Variants in LRCH2 observed in about 807,000 individuals in gnomAD.
LRCH2 encodes the protein leucine-rich repeat and calponin homology domain-containing protein 2.
Under a neutral mutation model 68.9 loss-of-function variants are expected in LRCH2, and 38 were observed. The ratio of observed to expected loss-of-function variants is 0.55; its 90% confidence interval spans 0.43 to 0.72. LRCH2 has a LOEUF of 0.72. Among genes scored for constraint, LRCH2 ranks in the 30% least tolerant of loss-of-function variants. The pLI, the probability that LRCH2 is intolerant of heterozygous loss-of-function variation, is 0.00. For missense variants in LRCH2, 528 were observed against 572.9 expected, an observed-to-expected ratio of 0.92 and a Z score of 0.80; for synonymous variants, 191 against 208.1, an observed-to-expected ratio of 0.92 and a Z score of 0.71.
Position 115,190,384 on chromosome X carries a change from C to T in LRCH2, c.350-2014G>A, listed in dbSNP as rs782276686. Reference sequence around the variant, plus strand: ...CTACGGAGGCCCATGCGGCGCTGCCCCTGTGTGGGGGACACCGCCATCTTA... The same window carrying T: ...CTACGGAGGCCCATGCGGCGCTGCCTCTGTGTGGGGGACACCGCCATCTTA... On this transcript the variant is annotated intron_variant, in intron 1 of 20. Coordinates refer to ENST00000317135, the MANE Select transcript of LRCH2 (RefSeq NM_020871.4). 4 of 1,161,528 alleles carry T rather than the reference C, an allele frequency of 3.4e-6. No homozygotes were observed. The highest frequency in any genetic ancestry group is 3.6e-5 in the African/African-American group (2 of 55,677).
intron 14 of LRCH2, among the ~76,000 whole-genome samples, chrX:115,148,336 A>G (rs1334526108): frequency 2.7e-5 from 3 of 111,834 alleles, no homozygotes; most frequent in Non-Finnish European, 5.6e-5. Context: ...ATCTTTGTGA[A>G]GTCTTAGGAC....
At chrX:115,140,204 G>C (rs2843485) in intron 14 of LRCH2, among the ~76,000 whole-genome samples, 6,273 of 111,092 alleles carry the variant, frequency 0.056, 435 homozygotes, top group African/African-American at 0.19. Flanking sequence ...AGAGTTGTGA[G>C]ACCCCCATTC....
chrX:115,124,463 A>C (rs1220490237), intron 16 of LRCH2, among the ~76,000 whole-genome samples: 1 of 112,232 alleles, frequency 8.9e-6, no homozygotes, highest in African/African-American at 3.2e-5. Context: ...CATCTCTTCT[A>C]TTTGAATGAA....
chrX:115,181,369 A>G (rs781795927), intron 3 of LRCH2, among the ~76,000 whole-genome samples: 1 of 112,607 alleles, frequency 8.9e-6, no homozygotes, highest in East Asian at 2.8e-4. Context: ...CAAACGATGG[A>G]TAATAGAAGT....
intron 20 of LRCH2, among the ~76,000 whole-genome samples, chrX:115,121,962 T>A (rs1287606417): frequency 1.8e-5 from 2 of 111,584 alleles, no homozygotes; most frequent in South Asian, 3.7e-4. Context: ...TGATTATATA[T>A]CTTCCTTACA....
chrX:115,182,284 G>A (rs2072697839), intron 3 of LRCH2, among the ~76,000 whole-genome samples: 1 of 111,037 alleles, frequency 9.0e-6, no homozygotes, highest in East Asian at 2.8e-4. Flanking sequence ...AATAAATTAC[G>A]GAGACATAAA....
chrX:115,174,137 T>C (rs2072626469), intron 5 of LRCH2, among the ~76,000 whole-genome samples: 1 of 111,459 alleles, frequency 9.0e-6, no homozygotes, highest in Non-Finnish European at 1.9e-5. Context: ...AAGGATCAAC[T>C]GTATTATACA....
rs782732760 is a variant in LRCH2 at position 115,192,470 on chromosome X, G to A, written c.350-4100C>T. The stretch of plus-strand genomic sequence containing the variant: ...AGCAACAGTTACGGCCGGAGCGACC[G>A]CTACTCGAGGGGTCGAGACCGGGTA... On this transcript the variant is annotated intron_variant, in intron 1 of 20. Coordinates refer to ENST00000317135, the MANE Select transcript of LRCH2 (RefSeq NM_020871.4). The A allele has an allele frequency of 2.7e-4, 311 of 1,169,041 alleles. No individual in the cohort carries two copies. The highest frequency in any genetic ancestry group is 3.3e-4 in the Non-Finnish European group (292 of 874,112).
At chrX:115,203,487 G>C (rs781997177) in intron 1 of LRCH2, among the ~76,000 whole-genome samples, 2 of 112,248 alleles carry the variant, frequency 1.8e-5, no homozygotes, top group South Asian at 7.4e-4. Context: ...GACAAGGCAA[G>C]TCCCATTTTG....
At chrX:115,120,914 C>G (rs1177890017) in intron 20 of LRCH2, among the ~76,000 whole-genome samples, 1 of 104,939 alleles carries the variant, frequency 9.5e-6, no homozygotes, top group Non-Finnish European at 1.9e-5. Context: ...AGTAAACTAT[C>G]GCAAGAACAA....
At chrX:115,202,274 A>G (rs1556566573) in intron 1 of LRCH2, among the ~76,000 whole-genome samples, 1 of 112,008 alleles carries the variant, frequency 8.9e-6, no homozygotes, top group African/African-American at 3.2e-5. Context: ...AGAAAGAAAA[A>G]TATCACATGT....
chrX:115,197,335 T>G (rs1343435876), intron 1 of LRCH2, among the ~76,000 whole-genome samples: 5 of 111,160 alleles, frequency 4.5e-5, no homozygotes, highest in African/African-American at 1.6e-4. Context: ...GATAAAGAAT[T>G]CAAAACATTG....
chrX:115,133,618 T>A (rs2072264955), intron 14 of LRCH2, among the ~76,000 whole-genome samples: 1 of 111,901 alleles, frequency 8.9e-6, no homozygotes, highest in African/African-American at 3.2e-5. Context: ...TATTTCAAAC[T>A]TTTTCATTAT....
At chrX:115,208,630 T>C (rs782090919) in intron 1 of LRCH2, among the ~76,000 whole-genome samples, 5 of 111,953 alleles carry the variant, frequency 4.5e-5, no homozygotes, top group Non-Finnish European at 7.5e-5. Context: ...CTGCGGCCCA[T>C]TGAAATTCCT....
At chrX:115,179,404 A>T (rs781987874) in intron 5 of LRCH2, 23 bp downstream of exon 5, 5 of 1,047,071 alleles carry the variant, frequency 4.8e-6, no homozygotes, top group Non-Finnish European at 5.0e-6. Context: ...GAGAAGAAAC[A>T]TTATAATATT....
At chrX:115,157,166 GAAAGA>G (rs1359720058) in intron 11 of LRCH2, among the ~76,000 whole-genome samples, 1 of 110,437 alleles carries the variant, frequency 9.1e-6, no homozygotes, top group Non-Finnish European at 1.9e-5. Flanking sequence ...GAAAACCAAA[GAAAGA>G]AAATGATGAA....
intron 14 of LRCH2, among the ~76,000 whole-genome samples, chrX:115,145,592 G>T (rs1351402658): frequency 8.9e-6 from 1 of 111,768 alleles, no homozygotes; most frequent in Non-Finnish European, 1.9e-5. Flanking sequence ...GACTCTTTAG[G>T]AAAGTATCTA....
chrX:115,157,270 C>CA (rs1556540039), intron 11 of LRCH2, among the ~76,000 whole-genome samples: 1 of 110,558 alleles, frequency 9.0e-6, no homozygotes. Context: ...CTGTCCTTAA[C>CA]ATAAGGAACT....
At chrX:115,233,567 C>A in intron 1 of LRCH2, 126 bp downstream of exon 1, 1 of 694,277 alleles carries the variant, frequency 1.4e-6, no homozygotes. Context: ...GCTGCCCCGA[C>A]TTTGTTAGTC....
Sources: gnomAD v4.1 joint callset for allele counts (sites outside exome capture counted in the v4.1 genomes callset) on GRCh38, gnomAD v4.1.1 for gene constraint, MANE v1.5 for transcripts, NCBI Gene and HGNC (gene_info 2026-07-23, HGNC 2026-07-21) for gene names.